SLC44A5: variants seen among roughly 807,000 people sequenced by gnomAD.
SLC44A5 encodes the protein solute carrier family 44 member 5.
A neutral mutation model predicts 101.8 loss-of-function variants in SLC44A5; 57 were observed. The ratio of observed to expected loss-of-function variants is 0.56; its 90% CI spans 0.45 to 0.70. The LOEUF (loss-of-function observed/expected upper bound fraction) is 0.70. Ranked by LOEUF, SLC44A5 falls within the 30% of genes least tolerant of loss-of-function variation. The pLI, the probability that SLC44A5 is intolerant of heterozygous loss-of-function variation, is 0.00. For synonymous variants in SLC44A5, 281 were observed against 290.9 expected, an observed-to-expected ratio of 0.97 and a Z score of 0.35; for missense variants, 737 against 853.1, an observed-to-expected ratio of 0.86 and a Z score of 1.70.
chr1:75,238,412 A>ATATATATATATATATGTG (rs1443013609), intron 10 of SLC44A5, 101 bp downstream of exon 10: 1 of 334,096 alleles, frequency 3.0e-6, no homozygotes. Flanking sequence ...ATATATATAT[A>ATATATATATATATATGTG]TGTGATTATT....
intron 2 of SLC44A5, among the ~76,000 whole-genome samples, chr1:75,523,837 G>T (rs1014469589): frequency 2.5e-4 from 38 of 152,310 alleles, no homozygotes; most frequent in African/African-American, 7.5e-4. Context: ...AGAGGCCAAG[G>T]TTGCTGCTAA....
chr1:75,498,715 G>T (rs2101832450), intron 2 of SLC44A5, among the ~76,000 whole-genome samples: 1 of 152,210 alleles, frequency 6.6e-6, no homozygotes, highest in Non-Finnish European at 1.5e-5. Context: ...TTTTAAATCA[G>T]CAGGCATGTA....
At chr1:75,616,027 G>A (rs1475439003), upstream of SLC44A5, 10 of 376,502 alleles carry the variant, frequency 2.7e-5, no homozygotes, top group South Asian at 5.4e-4. Flanking sequence ...AGCGGCGGCC[G>A]GGCTGCGCGC....
At chr1:75,557,550 T>C (rs919285092) in intron 1 of SLC44A5, among the ~76,000 whole-genome samples, 1 of 152,156 alleles carries the variant, frequency 6.6e-6, no homozygotes, top group Non-Finnish European at 1.5e-5. Flanking sequence ...TTTGTCAGGG[T>C]AATTTTCCAC....
intron 2 of SLC44A5, among the ~76,000 whole-genome samples, chr1:75,499,725 T>C (rs1289934253): frequency 6.6e-6 from 1 of 152,220 alleles, no homozygotes; most frequent in Non-Finnish European, 1.5e-5. Flanking sequence ...TATTTTTCAA[T>C]ACTGTATCAT....
intron 23 of SLC44A5, among the ~76,000 whole-genome samples, chr1:75,210,744 T>G (rs140192922): frequency 1.2e-4 from 19 of 152,316 alleles, no homozygotes; most frequent in Non-Finnish European, 2.6e-4. Context: ...ATGCTAACAG[T>G]ATGCCATGAA....
intron 12 of SLC44A5, among the ~76,000 whole-genome samples, chr1:75,228,704 C>T (rs1370405855): frequency 3.3e-5 from 5 of 151,468 alleles, no homozygotes; most frequent in Non-Finnish European, 7.4e-5. Context: ...CTTCTCTACT[C>T]TTTTTGAGCA....
At chr1:75,339,529 A>G (rs1196088018) in intron 4 of SLC44A5, 53 bp downstream of exon 4, 19 of 1,474,802 alleles carry the variant, frequency 1.3e-5, no homozygotes, top group Non-Finnish European at 9.3e-6. Flanking sequence ...CCATCCCCCA[A>G]AGCTTTCTGT....
intron 4 of SLC44A5, among the ~76,000 whole-genome samples, chr1:75,317,932 C>A (rs533576008): frequency 2.2e-4 from 33 of 152,260 alleles, no homozygotes; most frequent in African/African-American, 7.7e-4. Flanking sequence ...CATACAAATT[C>A]TGGGGGACAC....
intron 2 of SLC44A5, among the ~76,000 whole-genome samples, chr1:75,443,364 T>C (rs1665318122): frequency 6.6e-6 from 1 of 151,938 alleles, no homozygotes; most frequent in African/African-American, 2.4e-5. Context: ...AACTCATTGA[T>C]TGATACATAA....
chr1:75,682,287 G>A, the SLC44A5 span, among the ~76,000 whole-genome samples: 24 of 151,968 alleles, frequency 1.6e-4, no homozygotes, highest in African/African-American at 4.4e-4. Context: ...AAAAGAGCCC[G>A]CATTGCCAAG....
chr1:75,687,497 T>A, the SLC44A5 span, among the ~76,000 whole-genome samples: 1 of 151,904 alleles, frequency 6.6e-6, no homozygotes, highest in Non-Finnish European at 1.5e-5. Flanking sequence ...AGAGACGGGG[T>A]TTCACCATGT....
At chr1:75,204,125 CCTT>C (rs1043904477) in intron 23 of SLC44A5, among the ~76,000 whole-genome samples, 18 of 152,000 alleles carry the variant, frequency 1.2e-4, no homozygotes, top group Non-Finnish European at 2.2e-4. Context: ...ATAACTTTCA[CCTT>C]CTTTTTTTCA....
At chr1:75,334,668 G>A (rs1048537627) in intron 4 of SLC44A5, among the ~76,000 whole-genome samples, 2 of 152,178 alleles carry the variant, frequency 1.3e-5, no homozygotes, top group African/African-American at 4.8e-5. Context: ...GCTCTAAAAT[G>A]TTGAGTTTAG....
chr1:75,545,824 CTT>C (rs57147182), intron 1 of SLC44A5, among the ~76,000 whole-genome samples: 212 of 136,026 alleles, frequency 1.6e-3, no homozygotes, highest in African/African-American at 4.3e-3. Context: ...TTTTTCTTTT[CTT>C]TTTTTTTTTT....
At chr1:75,414,436 A>T (rs190166308) in intron 2 of SLC44A5, among the ~76,000 whole-genome samples, 15 of 152,216 alleles carry the variant, frequency 9.9e-5, no homozygotes, top group Admixed American at 5.9e-4. Context: ...ATATTTACAG[A>T]GTATCTACAT....
At chr1:75,647,531 G>A in the SLC44A5 span, among the ~76,000 whole-genome samples, 1 of 152,150 alleles carries the variant, frequency 6.6e-6, no homozygotes, top group Admixed American at 6.5e-5. Context: ...CTTGCACCGT[G>A]CACCTGGAAA....
intron 2 of SLC44A5, among the ~76,000 whole-genome samples, chr1:75,409,330 T>C (rs1195295525): frequency 1.3e-5 from 2 of 152,176 alleles, no homozygotes; most frequent in Non-Finnish European, 2.9e-5. Context: ...CAGAATGTAT[T>C]GGGTAATGAG....
intron 2 of SLC44A5, among the ~76,000 whole-genome samples, chr1:75,413,662 A>G (rs1663427672): frequency 6.6e-6 from 1 of 152,306 alleles, no homozygotes; most frequent in East Asian, 1.9e-4. Flanking sequence ...TCTCTCTACC[A>G]TAGACACTCT....
Sources: allele counts gnomAD v4.1 joint callset (sites outside exome capture counted in the v4.1 genomes callset), GRCh38; gene constraint gnomAD v4.1.1; transcripts MANE v1.5; gene names NCBI Gene and HGNC (gene_info 2026-07-23, HGNC 2026-07-21).